Variants in SNAP25 observed in about 807,000 individuals in gnomAD.
SNAP25 encodes the protein synaptosome associated protein 25, also known as synaptosomal-associated protein 25.
A neutral mutation model predicts 28.7 loss-of-function variants in SNAP25; 3 were observed. That is an observed-to-expected ratio of 0.10 (90% CI 0.05 to 0.27). The LOEUF is 0.27. SNAP25 is among the 10% of genes least tolerant of loss of function. The pLI, the probability that SNAP25 is intolerant of heterozygous loss-of-function variation, is 1.00. For synonymous variants in SNAP25, 61 were observed against 88.1 expected (o/e 0.69, Z 1.72); for missense variants, 117 against 278.7 (o/e 0.42, Z 4.13).
intron 1 of SNAP25, among the ~76,000 whole-genome samples, chr20:10,238,243 C>T (rs73256319): frequency 6.4e-4 from 97 of 152,300 alleles, no homozygotes; most frequent in African/African-American, 2.2e-3. Flanking sequence ...ATCATGGAAC[C>T]ATTTCTTTGT....
chr20:10,290,833 GGCCAT>G (rs2063981550), intron 4 of SNAP25, among the ~76,000 whole-genome samples: 1 of 152,068 alleles, frequency 6.6e-6, no homozygotes. Flanking sequence ...CATTCCCAGA[GGCCAT>G]TAGCAATTAC....
Position 10,293,351 on chromosome 20 carries a change from G to T in SNAP25, c.281+73G>T. 8.5e-7 allele frequency: 1 copy of T among 1,171,680 alleles called. No homozygotes were observed. Among genetic ancestry groups the T allele is most frequent in the Non-Finnish European group, 1.3e-6 (1 of 781,760 alleles). The allele number at this position is 1,171,680 out of a possible 1,614,324, so 72.6% of individuals were successfully genotyped here. A position where few individuals can be genotyped will look rare whatever the true frequency, so the allele number is the denominator to read the frequency against. On this transcript the variant is annotated intron_variant, in intron 5 of 7. Coordinates refer to ENST00000254976, the MANE Select transcript of SNAP25 (RefSeq NM_130811.4). The surrounding 1 kb of genome is among the most constrained non-coding windows in gnomAD (Gnocchi z 5.6). ...TCCAAGCCTTGACAAGCTCATTCCTGCCAAGCTCATAGGCAGGATGAGCAT... is the reference window on the plus strand; with the variant it reads ...TCCAAGCCTTGACAAGCTCATTCCTTCCAAGCTCATAGGCAGGATGAGCAT...
At chr20:10,245,534 C>A (rs2063111238) in intron 1 of SNAP25, among the ~76,000 whole-genome samples, 1 of 152,180 alleles carries the variant, frequency 6.6e-6, no homozygotes, top group African/African-American at 2.4e-5. Flanking sequence ...ATGTTCATTT[C>A]AAACTGGGGG....
At chr20:10,248,322 T>C (rs1372103813) in intron 1 of SNAP25, among the ~76,000 whole-genome samples, 1 of 152,174 alleles carries the variant, frequency 6.6e-6, no homozygotes, top group Non-Finnish European at 1.5e-5. Flanking sequence ...TTTCCCTCCT[T>C]CAATGCAAAT....
chr20:10,275,293 C>G, intron 1 of SNAP25, 136 bp from the exon 2 acceptor site: 1 of 361,522 alleles, frequency 2.8e-6, no homozygotes, highest in Non-Finnish European at 5.0e-6. Flanking sequence ...TCTGTTGACC[C>G]CTGTCTGAGT....
rs1235118399 is a variant in SNAP25 at position 10,306,397 on chromosome 20, G to T, written c.*200G>T. 6.1e-6 allele frequency: 3 copies of T among 489,594 alleles called. No individual in the cohort carries two copies. The highest frequency in any genetic ancestry group is 6.5e-5 in the East Asian group (2 of 30,588). The allele number at this position is 489,594 out of a possible 1,614,324, so 30.3% of individuals were successfully genotyped here. A position where few individuals can be genotyped will look rare whatever the true frequency, so the allele number is the denominator to read the frequency against. ...TCTCTTGGTCTCTTTCTTTCCAAAG[G>T]TTGTACATAGTGGTCATTTGGTGGC... On this transcript the variant is annotated 3_prime_UTR_variant, in exon 8 of 8. Coordinates refer to ENST00000254976, the MANE Select transcript of SNAP25 (RefSeq NM_130811.4).
chr20:10,242,318 T>C (rs1333355154), intron 1 of SNAP25, among the ~76,000 whole-genome samples: 2 of 152,198 alleles, frequency 1.3e-5, no homozygotes, highest in African/African-American at 4.8e-5. Context: ...TCACAGTTAC[T>C]GCTGCCTTGA....
At chr20:10,233,537 T>C (rs990486424) in intron 1 of SNAP25, among the ~76,000 whole-genome samples, 1 of 152,170 alleles carries the variant, frequency 6.6e-6, no homozygotes, top group African/African-American at 2.4e-5. Context: ...AGGCCCAGTG[T>C]AAAGCTGAGT....
intron 7 of SNAP25, among the ~76,000 whole-genome samples, chr20:10,304,622 T>C (rs1436950974): frequency 6.6e-6 from 1 of 152,238 alleles, no homozygotes; most frequent in East Asian, 1.9e-4. Flanking sequence ...GAATCATCAG[T>C]CTGAAATCTT....
At chr20:10,278,006 C>T (rs6039806) in intron 3 of SNAP25, 2 of 296,568 alleles carry the variant, frequency 6.7e-6, no homozygotes, top group East Asian at 5.8e-5. Flanking sequence ...AAATCACAGA[C>T]GATTGTATCA....
rs186979088 is a variant in SNAP25, at chr20:10,272,609, G to A, written c.-63-2820G>A. On this transcript the variant is annotated intron_variant, in intron 1 of 7. Coordinates refer to ENST00000254976, the MANE Select transcript of SNAP25 (RefSeq NM_130811.4). ...TGTAAAATGGAGACATGGAAATAAA[G>A]TCTCATGTATTTAAATAAAACACAG... Among the ~76,000 whole-genome samples, 4 of 152,296 alleles carry A rather than the reference G, an allele frequency of 2.6e-5. No individual in the cohort carries two copies. The East Asian group carries it at 7.7e-4, about 29-fold the overall frequency.
At chr20:10,299,584 T>C (rs575610162) in intron 7 of SNAP25, among the ~76,000 whole-genome samples, 172 bp downstream of exon 7, 2 of 152,294 alleles carry the variant, frequency 1.3e-5, no homozygotes, top group South Asian at 2.1e-4. Context: ...AGCAACAGAA[T>C]TGGAGTGAAA....
At position 10,241,787 on chromosome 20, in the gene SNAP25, G is replaced by A. The variant is rs534197071; in HGVS notation, c.-64+22810G>A. Reference sequence around the variant, plus strand: ...GTTGGAGAGAAGCGCAGAGGAAAGTGAAGTGTTAGGAGGGAGCCAGGTTAG... The same window carrying A: ...GTTGGAGAGAAGCGCAGAGGAAAGTAAAGTGTTAGGAGGGAGCCAGGTTAG... On this transcript the variant is annotated intron_variant, in intron 1 of 7. Coordinates refer to ENST00000254976, the MANE Select transcript of SNAP25 (RefSeq NM_130811.4). Among the ~76,000 whole-genome samples the A allele has an allele frequency of 3.3e-5, 5 of 152,300 alleles. No individual in the cohort carries two copies. The South Asian group carries it at 1.0e-3, about 32-fold the overall frequency.
intron 1 of SNAP25, among the ~76,000 whole-genome samples, chr20:10,271,242 T>A (rs1018830574): frequency 1.4e-4 from 21 of 152,202 alleles, no homozygotes; most frequent in African/African-American, 4.8e-4. Context: ...TTAATAAACA[T>A]CCTTATGCCT....
At chr20:10,246,536 C>G (rs2063132341) in intron 1 of SNAP25, among the ~76,000 whole-genome samples, 1 of 152,144 alleles carries the variant, frequency 6.6e-6, no homozygotes, top group African/African-American at 2.4e-5. Context: ...TGGCTACCCA[C>G]CATCCCCAGG....
At chr20:10,279,762 CAA>C (rs1158324723) in intron 3 of SNAP25, among the ~76,000 whole-genome samples, 1 of 152,154 alleles carries the variant, frequency 6.6e-6, no homozygotes, top group Non-Finnish European at 1.5e-5. Flanking sequence ...GAACAAGGAG[CAA>C]AAGAGATGGA....
intron 1 of SNAP25, among the ~76,000 whole-genome samples, chr20:10,223,198 G>T (rs1403678639): frequency 6.6e-6 from 1 of 152,130 alleles, no homozygotes; most frequent in African/African-American, 2.4e-5. Flanking sequence ...TTCTTTCCCT[G>T]CCTATTTTGC....
chr20:10,282,722 G>A (rs1328697800), intron 3 of SNAP25, among the ~76,000 whole-genome samples: 6 of 152,198 alleles, frequency 3.9e-5, no homozygotes, highest in African/African-American at 1.4e-4. Context: ...CGAGGAGAAA[G>A]TGCTCTCCGA....
chr20:10,260,688 TACACAC>T (rs36220354), intron 1 of SNAP25, among the ~76,000 whole-genome samples: 50,130 of 148,314 alleles, frequency 0.34, 9,307 homozygotes, highest in Middle Eastern at 0.51. Context: ...TTAGACTCAC[TACACAC>T]ACACACACAC....
Sources: gnomAD v4.1 joint callset for allele counts (sites outside exome capture counted in the v4.1 genomes callset) on GRCh38, gnomAD v4.1.1 for gene constraint, Gnocchi (gnomAD v3.1) non-coding constraint, MANE v1.5 for transcripts, NCBI Gene and HGNC (gene_info 2026-07-23, HGNC 2026-07-21) for gene names.